GIMD1: variants seen among roughly 807,000 people sequenced by gnomAD.
The protein encoded by GIMD1 is GIMAP family P-loop NTPase domain containing 1.
A neutral mutation model predicts 14.9 loss-of-function variants in GIMD1; 14 were observed. The ratio of observed to expected loss-of-function variants is 0.94; its 90% CI spans 0.62 to 1.47. The LOEUF (loss-of-function observed/expected upper bound fraction) is 1.47. GIMD1 is among the 40% of genes most tolerant of loss of function. The probability of loss-of-function intolerance (pLI) is 0.00; values close to 1 mark genes in which losing one functional copy is unlikely to be tolerated. For missense variants in GIMD1, 272 were observed against 255.3 expected (o/e 1.07, Z -0.44); for synonymous variants, 91 against 90.5 (o/e 1.01, Z -0.03).
At chr4:106,363,152 A>T (rs1201920087) in intron 2 of GIMD1, among the ~76,000 whole-genome samples, 1 of 152,168 alleles carries the variant, frequency 6.6e-6, no homozygotes, top group East Asian at 1.9e-4. Flanking sequence ...AAACCTAAAA[A>T]ACACTATTTC....
At chr4:106,366,893 C>A (rs1218399122) in intron 2 of GIMD1, 150 bp downstream of exon 2, 1 of 268,802 alleles carries the variant, frequency 3.7e-6, no homozygotes, top group Non-Finnish European at 6.3e-6. Context: ...CCTAGGTGAC[C>A]AACACTTAGT....
intron 2 of GIMD1, among the ~76,000 whole-genome samples, chr4:106,359,097 G>A (rs1443046016): frequency 1.3e-5 from 2 of 151,862 alleles, no homozygotes; most frequent in Non-Finnish European, 2.9e-5. Context: ...GCATTCCTTT[G>A]TTTAGTAATA....
At position 106,358,303 on chromosome 4, in the gene GIMD1, C is replaced by A. The variant is rs748975922; in HGVS notation, c.534G>T (p.Gln178His). 6.5e-7 allele frequency: 1 copy of A among 1,533,502 alleles called. No homozygotes were observed. The highest frequency in any genetic ancestry group is 8.7e-7 in the Non-Finnish European group (1 of 1,145,370). The allele number at this position is 1,533,502 out of a possible 1,614,324, so 95.0% of individuals were successfully genotyped here. ...DTLKTLLNSIQHKYVFQYKKG... is the reference protein window; with the variant it reads ...DTLKTLLNSIHHKYVFQYKKG... Reference sequence around the variant, plus strand: ...TTTTGTACTGGAAAACGTATTTGTGCTGAATAGAATTTAGCAGCGTTTTCA... The same window carrying A: ...TTTTGTACTGGAAAACGTATTTGTGATGAATAGAATTTAGCAGCGTTTTCA... The change falls in exon 3 of 3, where the codon CAG becomes CAT. Residue 178 changes from glutamine to histidine, a missense_variant. Gln to His is a conservative substitution (Grantham distance 24). Coordinates refer to ENST00000638719, the MANE Select transcript of GIMD1 (RefSeq NM_001195138.2).
chr4:106,360,612 T>C (rs73839455), intron 2 of GIMD1, among the ~76,000 whole-genome samples: 21,886 of 152,032 alleles, frequency 0.14, 1,761 homozygotes, highest in South Asian at 0.25. Flanking sequence ...CCCCAGTTCT[T>C]CCGGATGTGA....
At chr4:106,359,862 A>G (rs1022412208) in intron 2 of GIMD1, among the ~76,000 whole-genome samples, 2 of 151,948 alleles carry the variant, frequency 1.3e-5, no homozygotes, top group Admixed American at 6.6e-5. Flanking sequence ...AAAATTAGAA[A>G]CATCACAATC....
intron 2 of GIMD1, among the ~76,000 whole-genome samples, chr4:106,362,007 T>G (rs1770619732): frequency 6.6e-6 from 1 of 152,196 alleles, no homozygotes; most frequent in South Asian, 2.1e-4. Context: ...ATGTTCCCTT[T>G]TGGTCTCCAC....
chr4:106,367,442 A>C lies in GIMD1; in HGVS notation c.-2-5T>G. 6.6e-7 allele frequency: 1 copy of C among 1,521,162 alleles called. No individual in the cohort carries two copies. The highest frequency in any genetic ancestry group is 1.2e-5 in the South Asian group (1 of 82,016). 94.2% of individuals were successfully genotyped at this position (1,521,162 alleles called of 1,614,324 possible). A position where few individuals can be genotyped will look rare whatever the true frequency, so the allele number is the denominator to read the frequency against. On this transcript the variant is annotated splice_region_variant and splice_polypyrimidine_tract_variant and intron_variant, in intron 1 of 2. Coordinates refer to ENST00000638719, the MANE Select transcript of GIMD1 (RefSeq NM_001195138.2). ...TCTTGTTGGGGTCTGTCATGGCTGT[A>C]GGAAAACAAAGGCATAGCACGCATA... is the stretch of plus-strand genomic sequence containing the variant.
intron 1 of GIMD1, among the ~76,000 whole-genome samples, 151 bp downstream of exon 1, chr4:106,368,559 G>C (rs1009156580): frequency 1.3e-5 from 2 of 152,068 alleles, no homozygotes; most frequent in Non-Finnish European, 2.9e-5. Context: ...TCATTTTGCG[G>C]GTCCCTCCAG....
At position 106,358,410 on chromosome 4, in the gene GIMD1, CTG is replaced by C; in HGVS notation, c.425_426del (p.Thr142SerfsTer17). ...ELLGHAWMNY[T>X]AILFTHAEKI... ...TTTTCTGCATGGGTAAAAAGAATGGCTGTGTAATTCATCCAAGCATGTCCAAG... is the reference window on the plus strand; with the variant it reads ...TTTTCTGCATGGGTAAAAAGAATGGCTGTAATTCATCCAAGCATGTCCAAG... On this transcript the variant is annotated frameshift_variant, in exon 3 of 3. Transcript: ENST00000638719. LOFTEE classifies it high-confidence loss of function. The C allele has an allele frequency of 1.3e-6, 2 of 1,522,864 alleles. No homozygotes were observed. The highest frequency in any genetic ancestry group is 1.8e-6 in the Non-Finnish European group (2 of 1,142,610). 94.3% of individuals were successfully genotyped at this position (1,522,864 alleles called of 1,614,324 possible). A position where few individuals can be genotyped will look rare whatever the true frequency, so the allele number is the denominator to read the frequency against.
chr4:106,366,368 T>C (rs1770699618), intron 2 of GIMD1, among the ~76,000 whole-genome samples: 1 of 152,202 alleles, frequency 6.6e-6, no homozygotes, highest in African/African-American at 2.4e-5. Context: ...CTAATTTTCC[T>C]CTTCTAGACT....
chr4:106,366,659 C>G (rs1198117259), intron 2 of GIMD1, among the ~76,000 whole-genome samples: 1 of 152,106 alleles, frequency 6.6e-6, no homozygotes, highest in African/African-American at 2.4e-5. Context: ...GATCAATCTT[C>G]TTTAACAAAC....
chr4:106,364,713 T>C (rs926708106), intron 2 of GIMD1, among the ~76,000 whole-genome samples: 2 of 152,182 alleles, frequency 1.3e-5, no homozygotes, highest in Admixed American at 6.5e-5. Flanking sequence ...GAAAGAAATA[T>C]TTGGGATCTG....
At chr4:106,363,885 G>C (rs1240174487) in intron 2 of GIMD1, among the ~76,000 whole-genome samples, 7 of 43,614 alleles carry the variant, frequency 1.6e-4, no homozygotes, top group South Asian at 6.8e-4. Context: ...TACCATAATG[G>C]GGGGGGGGGG....
At chr4:106,360,032 GTTAAA>G (rs539197097) in intron 2 of GIMD1, among the ~76,000 whole-genome samples, 35 of 151,916 alleles carry the variant, frequency 2.3e-4, no homozygotes, top group Non-Finnish European at 4.3e-4. Flanking sequence ...GTAAACATCT[GTTAAA>G]TTAATTTGGA....
At position 106,367,413 on chromosome 4, in the gene GIMD1, A is replaced by T. The variant is rs1408184340; in HGVS notation, c.23T>A (p.Ile8Asn). Residue 8 changes from isoleucine to asparagine, a missense_variant, in exon 2 of 3, where the codon ATC (isoleucine) becomes AAC (asparagine). Physicochemically the swap from Ile to Asn is moderately radical, Grantham distance 149. Transcript: ENST00000638719. Reference protein sequence around the residue: MTDPNKMIINLALFGMTQ... With the variant: MTDPNKMNINLALFGMTQ... The stretch of plus-strand genomic sequence containing the variant: ...CATGCCAAAGAGGGCCAAGTTGATG[A>T]TCATCTTGTTGGGGTCTGTCATGGC... 1 of 1,534,056 alleles carries T rather than the reference A, an allele frequency of 6.5e-7. No homozygotes were observed. The highest frequency in any genetic ancestry group is 8.7e-7 in the Non-Finnish European group (1 of 1,145,612).
In GIMD1 at chr4:106,358,073, A is replaced by G; in HGVS notation, c.*110T>C. The G allele has an allele frequency of 2.8e-6, 2 of 716,520 alleles. No homozygotes were observed. The highest frequency in any genetic ancestry group is 4.4e-6 in the Non-Finnish European group (2 of 452,260). The allele number at this position is 716,520 out of a possible 1,614,324, so 44.4% of individuals were successfully genotyped here. A position where few individuals can be genotyped will look rare whatever the true frequency, so the allele number is the denominator to read the frequency against. On this transcript the variant is annotated 3_prime_UTR_variant, in exon 3 of 3. Coordinates refer to ENST00000638719, the MANE Select transcript of GIMD1 (RefSeq NM_001195138.2). ...AGTGGTTATACCAATGTACACTCTC[A>G]CCAGCAGCATATCAGAATACTTATG...
chr4:106,362,815 A>G (rs1770633913), intron 2 of GIMD1, among the ~76,000 whole-genome samples: 1 of 152,096 alleles, frequency 6.6e-6, no homozygotes, highest in Non-Finnish European at 1.5e-5. Flanking sequence ...GCTGAATGAT[A>G]ATTTCTCATT....
At chr4:106,363,888 G>A (rs60364855) in intron 2 of GIMD1, among the ~76,000 whole-genome samples, 3 of 140,632 alleles carry the variant, frequency 2.1e-5, no homozygotes, top group South Asian at 5.2e-4. Flanking sequence ...CATAATGGGG[G>A]GGGGGGGGCG....
At chr4:106,363,180 C>A (rs1770639418) in intron 2 of GIMD1, among the ~76,000 whole-genome samples, 1 of 152,066 alleles carries the variant, frequency 6.6e-6, no homozygotes, top group Admixed American at 6.6e-5. Context: ...TAGGATAAGA[C>A]AAATACTAAC....
Sources: allele counts gnomAD v4.1 joint callset (sites outside exome capture counted in the v4.1 genomes callset), GRCh38; gene constraint gnomAD v4.1.1; transcripts MANE v1.5; gene names NCBI Gene and HGNC (gene_info 2026-07-23, HGNC 2026-07-21).